Variants in DNAH9 observed in about 807,000 individuals in gnomAD.
DNAH9 encodes dynein axonemal heavy chain 9.
A neutral mutation model predicts 471.6 loss-of-function variants in DNAH9; 345 were observed. The ratio of observed to expected loss-of-function variants is 0.73; its 90% CI spans 0.67 to 0.80. The LOEUF is 0.80. DNAH9 is among the 30% of genes least tolerant of loss of function. DNAH9 has a pLI of 0.00. For synonymous variants in DNAH9, 2,093 were observed against 2,123.6 expected (o/e 0.99, Z 0.40); for missense variants, 5,407 against 5,609.2 (o/e 0.96, Z 1.15).
At chr17:11,652,280 C>CTTTTTTTTT (rs11450398) in intron 13 of DNAH9, among the ~76,000 whole-genome samples, 7 of 79,144 alleles carry the variant, frequency 8.8e-5, no homozygotes, top group Admixed American at 2.0e-4. Context: ...TAAGGGTAGG[C>CTTTTTTTTT]TTTTTTTTTT....
At chr17:11,659,894 A>G (rs2073724775) in intron 14 of DNAH9, among the ~76,000 whole-genome samples, 1 of 151,970 alleles carries the variant, frequency 6.6e-6, no homozygotes, top group Non-Finnish European at 1.5e-5. Flanking sequence ...AGCCCCCACG[A>G]CCTGGTGTTT....
At chr17:11,804,646 G>A (rs1239992552) in intron 43 of DNAH9, among the ~76,000 whole-genome samples, 3 of 152,132 alleles carry the variant, frequency 2.0e-5, no homozygotes, top group Non-Finnish European at 4.4e-5. Context: ...GAGGCCTGGC[G>A]GGTGGATCAC....
intron 6 of DNAH9, among the ~76,000 whole-genome samples, chr17:11,622,683 G>A (rs759245297): frequency 2.0e-4 from 31 of 152,284 alleles, no homozygotes; most frequent in Non-Finnish European, 3.4e-4. Context: ...ACATCAGGGC[G>A]CCTAATCTGC....
chr17:11,850,178 G>A (rs1567846788), intron 49 of DNAH9, among the ~76,000 whole-genome samples: 1 of 152,188 alleles, frequency 6.6e-6, no homozygotes. Context: ...ATGGGTGGGA[G>A]GAGGCAGAGG....
chr17:11,909,425 G>A (rs577184363), intron 61 of DNAH9, among the ~76,000 whole-genome samples: 2 of 152,178 alleles, frequency 1.3e-5, no homozygotes, highest in East Asian at 1.9e-4. Flanking sequence ...CAAACCACGA[G>A]AGTTACTCAA....
chr17:11,647,001 A>G, intron 11 of DNAH9, 71 bp from the exon 12 acceptor site: 3 of 1,530,770 alleles, frequency 2.0e-6, no homozygotes, highest in South Asian at 1.2e-5. Context: ...AATTTATGTT[A>G]CAGATCATGA....
chr17:11,744,476 TGAC>T (rs1470276594), intron 30 of DNAH9, among the ~76,000 whole-genome samples: 2 of 152,196 alleles, frequency 1.3e-5, no homozygotes, highest in African/African-American at 4.8e-5. Flanking sequence ...GCTCCCTCCT[TGAC>T]AGCCCTTCCA....
At chr17:11,804,632 G>A (rs1969594750) in intron 43 of DNAH9, among the ~76,000 whole-genome samples, 1 of 152,150 alleles carries the variant, frequency 6.6e-6, no homozygotes, top group African/African-American at 2.4e-5. Context: ...TAATCCCAGG[G>A]AGGGAGGCCT....
intron 14 of DNAH9, among the ~76,000 whole-genome samples, chr17:11,653,276 CAGA>C (rs977403608): frequency 1.9e-4 from 29 of 152,220 alleles, no homozygotes; most frequent in African/African-American, 7.0e-4. Flanking sequence ...CCCAAGGGAA[CAGA>C]AGAAGATGAC....
chr17:11,625,474 C>T (rs2068380269), intron 6 of DNAH9, among the ~76,000 whole-genome samples: 2 of 152,230 alleles, frequency 1.3e-5, no homozygotes, highest in South Asian at 2.1e-4. Flanking sequence ...AGGTCAGTGG[C>T]GATCAAAAGG....
rs2072901394 is a variant in DNAH9, at chr17:11,623,002, T to G, written c.1350+3221T>G. 6.7e-6 allele frequency among the ~76,000 whole-genome samples: 1 copy of G among 150,316 alleles called. No homozygotes were observed. Among genetic ancestry groups the G allele is most frequent in the Non-Finnish European group, 1.5e-5 (1 of 67,590 alleles). ...TTTTTTTTTTTCTCGAGATGGAGTT[T>G]TGCTCTTGTTGCCCAGGCTGGAGTG... On this transcript the variant is annotated intron_variant, in intron 6 of 68. Coordinates refer to ENST00000262442, the MANE Select transcript of DNAH9 (RefSeq NM_001372.4). This position sits in a 1 kb window ranked among gnomAD's most constrained non-coding sequence, Gnocchi z 4.1.
At chr17:11,906,583 C>T (rs1973606240) in intron 61 of DNAH9, among the ~76,000 whole-genome samples, 1 of 147,758 alleles carries the variant, frequency 6.8e-6, no homozygotes, top group South Asian at 2.1e-4. Flanking sequence ...GCTGAGACCG[C>T]ACTACTGCAC....
intron 26 of DNAH9, among the ~76,000 whole-genome samples, chr17:11,715,975 T>C (rs1461593454): frequency 6.6e-6 from 1 of 151,998 alleles, no homozygotes; most frequent in Non-Finnish European, 1.5e-5. Context: ...GAGAGAATCC[T>C]AGAGCAGGGA....
intron 26 of DNAH9, among the ~76,000 whole-genome samples, chr17:11,717,997 C>G (rs891013615): frequency 6.6e-6 from 1 of 152,128 alleles, no homozygotes; most frequent in Non-Finnish European, 1.5e-5. Flanking sequence ...CCTCAGCCCA[C>G]CAAGTAGCTG....
intron 67 of DNAH9, among the ~76,000 whole-genome samples, chr17:11,958,340 A>G (rs776406854): frequency 1.2e-4 from 19 of 152,182 alleles, no homozygotes; most frequent in Non-Finnish European, 2.2e-4. Flanking sequence ...ATAATGGTGG[A>G]TACTTGTCAT....
chr17:11,853,466 A>T (rs922405890), intron 49 of DNAH9, among the ~76,000 whole-genome samples: 7 of 152,226 alleles, frequency 4.6e-5, no homozygotes, highest in South Asian at 2.1e-4. Context: ...GACCAGGCAG[A>T]GCAGCTGACT....
intron 49 of DNAH9, among the ~76,000 whole-genome samples, chr17:11,844,805 A>G (rs926225029): frequency 3.9e-5 from 6 of 152,146 alleles, no homozygotes; most frequent in Admixed American, 2.0e-4. Flanking sequence ...GGTTTGTTGT[A>G]CAGATTATTT....
At chr17:11,617,277 G>T in intron 4 of DNAH9, 134 bp from the exon 5 acceptor site, 1 of 618,352 alleles carries the variant, frequency 1.6e-6, no homozygotes. Flanking sequence ...CCTCATAAGA[G>T]CTAGGAAGTT....
chr17:11,598,580 C>A lies in DNAH9; in HGVS notation c.82C>A (p.Leu28Met). 1 of 1,394,234 alleles carries A rather than the reference C, an allele frequency of 7.2e-7. No individual in the cohort carries two copies. Among genetic ancestry groups the A allele is most frequent in the Non-Finnish European group, 9.2e-7 (1 of 1,081,828 alleles). The allele number at this position is 1,394,234 out of a possible 1,614,324, so 86.4% of individuals were successfully genotyped here. ...EPGADRRLRL[L>M]GTYVAMSLRP... ...CGGCGCCGACCGACGACTGCGACTC[C>A]TGGGGACCTACGTGGCCATGAGCCT... is the stretch of plus-strand genomic sequence containing the variant. Residue 28 changes from leucine (L) to methionine (M), a missense_variant, in exon 1 of 69, where the codon CTG (leucine) becomes ATG (methionine). Leu to Met is a conservative substitution (Grantham distance 15). Around this residue, in one of 3 missense-constraint regions of DNAH9, gnomAD observed 767 missense variants for 692.5 expected, o/e 1.11. Coordinates refer to ENST00000262442, the MANE Select transcript of DNAH9 (RefSeq NM_001372.4).
Sources: allele counts gnomAD v4.1 joint callset (sites outside exome capture counted in the v4.1 genomes callset), GRCh38; gene constraint gnomAD v4.1.1; regional missense constraint gnomAD v4.1.1; non-coding constraint Gnocchi (gnomAD v3.1); transcripts MANE v1.5; gene names NCBI Gene and HGNC (gene_info 2026-07-23, HGNC 2026-07-21).